The following LATS1 variants were observed in gnomAD, a reference collection of about 807,000 sequenced individuals.
LATS1 encodes the protein large tumor suppressor kinase 1.
LATS1 carries 25 observed loss-of-function variants against 106.6 expected under a neutral mutation model. The observed-to-expected ratio is 0.23, with a 90% confidence interval of 0.17 to 0.33. LATS1 has a LOEUF of 0.33. LATS1 is among the 10% of genes least tolerant of loss of function. LATS1 has a pLI of 1.00. For missense variants in LATS1, 1,040 were observed against 1,382.6 expected (o/e 0.75, Z 3.93); for synonymous variants, 465 against 455.6 (o/e 1.02, Z -0.26).
chr6:149,703,151 G>A (rs1167105746), intron 1 of LATS1, among the ~76,000 whole-genome samples: 2 of 150,412 alleles, frequency 1.3e-5, no homozygotes, highest in South Asian at 4.2e-4. Flanking sequence ...TTTTTGTATC[G>A]TTTAGTAGAG....
chr6:149,713,237 C>T (rs1301658022), intron 1 of LATS1, among the ~76,000 whole-genome samples: 1 of 152,088 alleles, frequency 6.6e-6, no homozygotes, highest in East Asian at 1.9e-4. Flanking sequence ...GCAGTCATTG[C>T]ACATGCCTAA....
chr6:149,700,620 C>T (rs900544051), intron 2 of LATS1, among the ~76,000 whole-genome samples: 1 of 151,556 alleles, frequency 6.6e-6, no homozygotes, highest in Admixed American at 6.6e-5. Context: ...AAAAAACACA[C>T]AAAACAACAA....
At chr6:149,667,050 A>G (rs1300707209) in intron 7 of LATS1, among the ~76,000 whole-genome samples, 1 of 152,172 alleles carries the variant, frequency 6.6e-6, no homozygotes. Context: ...AAATTTTATA[A>G]TGGAAAAATA....
intron 7 of LATS1, among the ~76,000 whole-genome samples, chr6:149,667,948 T>A (rs1284702874): frequency 6.6e-6 from 1 of 152,232 alleles, no homozygotes; most frequent in African/African-American, 2.4e-5. Flanking sequence ...TGAGATGGAG[T>A]CTCGGGCTGT....
At chr6:149,688,375 C>T (rs1032721576) in intron 3 of LATS1, among the ~76,000 whole-genome samples, 8 of 152,016 alleles carry the variant, frequency 5.3e-5, no homozygotes, top group African/African-American at 1.7e-4. Flanking sequence ...ATGGCGCAAT[C>T]TCAGCTCACC....
At position 149,684,407 on chromosome 6, in the gene LATS1, G is replaced by A. The variant is rs1393423529; in HGVS notation, c.682C>T (p.Pro228Ser). 1 of 1,614,004 alleles carries A rather than the reference G, an allele frequency of 6.2e-7. No homozygotes were observed. Among genetic ancestry groups the A allele is most frequent in the Non-Finnish European group, 8.5e-7 (1 of 1,180,008 alleles). Residue 228 changes from proline (P) to serine (S), a missense_variant, in exon 4 of 8, where the codon CCT becomes TCT. By Grantham distance (74) the Pro-to-Ser change is moderately conservative. Coordinates refer to ENST00000543571, the MANE Select transcript of LATS1 (RefSeq NM_004690.4). ...GGGTTCACTCTCTGTCCGTTGCTAG[G>A]GTGAGCTTGAACAAATGCTGATATA... ...SGISAFVQAHPSNGQRVNPPP... is the reference protein window; with the variant it reads ...SGISAFVQAHSSNGQRVNPPP...
At chr6:149,689,020 T>C (rs997472643) in intron 3 of LATS1, among the ~76,000 whole-genome samples, 5 of 152,014 alleles carry the variant, frequency 3.3e-5, no homozygotes, top group African/African-American at 1.2e-4. Flanking sequence ...ATACAAAAAT[T>C]AGCTGGGTAT....
intron 3 of LATS1, among the ~76,000 whole-genome samples, chr6:149,693,539 G>A (rs1437380161): frequency 6.6e-6 from 1 of 151,754 alleles, no homozygotes; most frequent in African/African-American, 2.4e-5. Flanking sequence ...GAACCCAGGG[G>A]GTGGAGGTTG....
Position 149,687,100 on chromosome 6 carries a change from T to TA in LATS1, c.497-2509_497-2508insT, listed in dbSNP as rs200239921. On this transcript the variant is annotated intron_variant, in intron 3 of 7. Transcript: ENST00000543571. Reference sequence around the variant, plus strand: ...CCAAGATCTCCAAGATTTTTATTTTTTTTTTTTTGAGACAGAGACTTGCTC... The same window carrying TA: ...CCAAGATCTCCAAGATTTTTATTTTTATTTTTTTTGAGACAGAGACTTGCTC... 2.8e-3 allele frequency among the ~76,000 whole-genome samples: 432 copies of TA among 151,972 alleles called. 2 individuals are homozygous for TA. Among genetic ancestry groups the TA allele is most frequent in the East Asian group, 0.012 (62 of 5,162 alleles).
At position 149,661,862 on chromosome 6, in the gene LATS1, T is replaced by C; in HGVS notation, c.3260A>G (p.Asn1087Ser). 2 of 1,614,094 alleles carry C rather than the reference T, an allele frequency of 1.2e-6. No individual in the cohort carries two copies. The highest frequency in any genetic ancestry group is 8.5e-7 in the Non-Finnish European group (1 of 1,179,990). The change falls in exon 8 of 8, where the codon AAT becomes AGT. Residue 1087 changes from asparagine to serine, a missense_variant. Physicochemically the swap from Asn to Ser is conservative, Grantham distance 46. Coordinates refer to ENST00000543571, the MANE Select transcript of LATS1 (RefSeq NM_004690.4). The part of the protein sequence containing the change: ...EFTFRRFFDD[N>S]GYPYNYPKPI... ...CTTCGGATAATTATATGGGTAGCCA[T>C]TGTCATCAAAAAACCTTCGGAAGGT...
intron 3 of LATS1, among the ~76,000 whole-genome samples, chr6:149,687,156 T>C (rs1313145379): frequency 6.6e-6 from 1 of 151,780 alleles, no homozygotes; most frequent in Non-Finnish European, 1.5e-5. Context: ...GGTGGCATGA[T>C]CTCGGCTCAG....
chr6:149,681,579 G>A (rs1281700691), intron 4 of LATS1, among the ~76,000 whole-genome samples: 1 of 152,092 alleles, frequency 6.6e-6, no homozygotes, highest in African/African-American at 2.4e-5. Context: ...ATACACATAG[G>A]CAGACTTTAG....
intron 2 of LATS1, among the ~76,000 whole-genome samples, chr6:149,700,161 C>T (rs4455682): frequency 0.46 from 70,285 of 151,936 alleles, 17,578 homozygotes; most frequent in East Asian, 0.81. Context: ...AATAAGTAAA[C>T]AGAATGTGCC....
intron 7 of LATS1, among the ~76,000 whole-genome samples, chr6:149,662,825 G>A (rs1445531640): frequency 6.6e-6 from 1 of 151,814 alleles, no homozygotes; most frequent in Non-Finnish European, 1.5e-5. Flanking sequence ...AATTAGCCAG[G>A]TATGGTGGCA....
chr6:149,710,177 T>C (rs374366485), intron 1 of LATS1, among the ~76,000 whole-genome samples: 2 of 152,174 alleles, frequency 1.3e-5, no homozygotes, highest in Middle Eastern at 3.2e-3. Context: ...CTCCCTAAAA[T>C]GTATAAAACC....
rs185983618 is a variant in LATS1 at position 149,710,233 on chromosome 6, G to A, written c.-141+7616C>T. Among the ~76,000 whole-genome samples, 3 of 152,300 alleles carry A rather than the reference G, an allele frequency of 2.0e-5. No homozygotes were observed. In the East Asian group the frequency reaches 5.8e-4, roughly 29 times the overall value. Reference sequence around the variant, plus strand: ...TGGGCACATGTTCTCAGGAGCTCCTGAGGGCTGTGTCATGGGGCAATAGCC... The same window carrying A: ...TGGGCACATGTTCTCAGGAGCTCCTAAGGGCTGTGTCATGGGGCAATAGCC... On this transcript the variant is annotated intron_variant, in intron 1 of 7. Transcript: ENST00000543571.
intron 7 of LATS1, among the ~76,000 whole-genome samples, chr6:149,662,752 G>A (rs375516510): frequency 2.0e-5 from 3 of 151,932 alleles, no homozygotes; most frequent in South Asian, 2.1e-4. Flanking sequence ...GCTTGAAGCC[G>A]GGAAGGTTCA....
At chr6:149,704,023 G>A (rs1467289474) in intron 1 of LATS1, among the ~76,000 whole-genome samples, 1 of 152,106 alleles carries the variant, frequency 6.6e-6, no homozygotes, top group Non-Finnish European at 1.5e-5. Flanking sequence ...TTTTTTCTGA[G>A]ATGGAGTTTC....
intron 7 of LATS1, among the ~76,000 whole-genome samples, chr6:149,672,442 C>T (rs1250165052): frequency 6.6e-6 from 1 of 151,226 alleles, no homozygotes; most frequent in African/African-American, 2.4e-5. Context: ...CTCCTGACCT[C>T]AGGTGATCTG....
Sources: allele counts gnomAD v4.1 joint callset (sites outside exome capture counted in the v4.1 genomes callset), GRCh38; gene constraint gnomAD v4.1.1; transcripts MANE v1.5; gene names NCBI Gene and HGNC (gene_info 2026-07-23, HGNC 2026-07-21).